VPS13A: variants seen among roughly 807,000 people sequenced by gnomAD.
VPS13A encodes vacuolar protein sorting 13 homolog A.
In VPS13A, 264 loss-of-function variants were observed where a neutral mutation model predicts 390.9. The ratio of observed to expected loss-of-function variants is 0.68; its 90% confidence interval spans 0.61 to 0.75. The LOEUF (loss-of-function observed/expected upper bound fraction) is 0.75, where lower values mean the gene tolerates loss of function less well. Among genes scored for constraint, VPS13A ranks in the 30% least tolerant of loss-of-function variants. The pLI is 0.00. For synonymous variants in VPS13A, 1,231 were observed against 1,227.1 expected (o/e 1.00, Z -0.07); for missense variants, 3,409 against 3,733.9 (o/e 0.91, Z 2.27).
At chr9:77,374,817 A>G (rs2131597389) in intron 67 of VPS13A, among the ~76,000 whole-genome samples, 1 of 152,262 alleles carries the variant, frequency 6.6e-6, no homozygotes, top group African/African-American at 2.4e-5. Flanking sequence ...AGATGATAAA[A>G]TTAATGTTAA....
At chr9:77,210,195 CTCTTTCTT>C (rs143259340) in intron 6 of VPS13A, among the ~76,000 whole-genome samples, 1,748 of 126,296 alleles carry the variant, frequency 0.014, 38 homozygotes, top group African/African-American at 0.04. Context: ...TTCTCTTTCT[CTCTTTCTT>C]TCTCTTCTCC....
intron 1 of VPS13A, among the ~76,000 whole-genome samples, chr9:77,189,446 T>C (rs12336504): frequency 0.21 from 31,929 of 151,956 alleles, 3,563 homozygotes; most frequent in Middle Eastern, 0.26. Context: ...TCTTGACCTG[T>C]TCCATTGGTC....
At position 77,293,350 on chromosome 9, in the gene VPS13A, A is replaced by G. The variant is rs1276304482; in HGVS notation, c.3349A>G (p.Ile1117Val). The G allele has an allele frequency of 6.2e-7, 1 of 1,612,048 alleles. No homozygotes were observed. Among genetic ancestry groups the G allele is most frequent in the East Asian group, 2.2e-5 (1 of 44,696 alleles). Reference protein sequence around the residue: ...ITAIYKKAVYITGKEVFSFKM... With the variant: ...ITAIYKKAVYVTGKEVFSFKM... ...ATTTTCTCTTATTAAGGCTGTTTAT[A>G]TCACTGGAAAAGAAGTTTTCAGCTT... The change falls in exon 32 of 72, where the codon ATC (isoleucine) becomes GTC (valine). Residue 1117 changes from isoleucine to valine, a missense_variant. Physicochemically the swap from Ile to Val is conservative, Grantham distance 29 (BLOSUM62 3). Coordinates refer to ENST00000360280, the MANE Select transcript of VPS13A (RefSeq NM_033305.3).
intron 1 of VPS13A, among the ~76,000 whole-genome samples, chr9:77,198,204 T>G (rs543021464): frequency 6.6e-6 from 1 of 152,098 alleles, no homozygotes; most frequent in African/African-American, 2.4e-5. Flanking sequence ...GGGCCCGGAA[T>G]TGGATCCTCA....
intron 1 of VPS13A, among the ~76,000 whole-genome samples, chr9:77,192,779 C>G (rs1824759194): frequency 6.6e-6 from 1 of 151,950 alleles, no homozygotes; most frequent in South Asian, 2.1e-4. Context: ...TTATTTTTTT[C>G]TTTCACATTG....
chr9:77,355,671 A>G (rs78026113), intron 54 of VPS13A, among the ~76,000 whole-genome samples: 4,355 of 152,214 alleles, frequency 0.029, 193 homozygotes, highest in African/African-American at 0.093. Flanking sequence ...CCTTCTACCA[A>G]AACTCCAGCT....
In VPS13A at chr9:77,275,405, C is replaced by G. The variant is rs562441219; in HGVS notation, c.2513-93C>G. ...TAATATTTGATATTTAAAAGAGAGCCTTAGTGTTTTAGTGTTCATATTTAT... is the reference window on the plus strand; with the variant it reads ...TAATATTTGATATTTAAAAGAGAGCGTTAGTGTTTTAGTGTTCATATTTAT... On this transcript the variant is annotated intron_variant, in intron 24 of 71. Transcript: ENST00000360280. The G allele has an allele frequency of 2.1e-5, 25 of 1,187,656 alleles. No homozygotes were observed. The African/African-American group carries it at 3.4e-4, about 16-fold the overall frequency. The allele number at this position is 1,187,656 out of a possible 1,614,324, so 73.6% of individuals were successfully genotyped here.
In VPS13A at chr9:77,332,010, A is replaced by T. The variant is rs747288143; in HGVS notation, c.5992A>T (p.Ile1998Leu). The T allele has an allele frequency of 3.1e-6, 5 of 1,600,840 alleles. No individual in the cohort carries two copies. The South Asian group carries it at 4.4e-5, about 14-fold the overall frequency. ...KKVTIRSPVQ[I>L]RNHFSVPLSV... ...AATATTATTTGTTTTTCTTTCCCAG[A>T]TAAGAAATCATTTTTCAGTCCCACT... The change falls in exon 46 of 72, where the codon ATA (isoleucine) becomes TTA (leucine). Residue 1998 changes from isoleucine (I) to leucine (L), a missense_variant and splice_region_variant. Physicochemically the swap from Ile to Leu is conservative, Grantham distance 5. Transcript: ENST00000360280.
chr9:77,409,430 T>C (rs1834796374), intron 71 of VPS13A, among the ~76,000 whole-genome samples: 1 of 151,994 alleles, frequency 6.6e-6, no homozygotes, highest in East Asian at 1.9e-4. Context: ...TCACCAGCAA[T>C]GGAACAAAGC....
At chr9:77,407,084 C>T (rs11145413) in intron 70 of VPS13A, among the ~76,000 whole-genome samples, 15,742 of 152,172 alleles carry the variant, frequency 0.1, 835 homozygotes, top group Middle Eastern at 0.13. Flanking sequence ...CATACATGCA[C>T]GCACACATGC....
intron 22 of VPS13A, among the ~76,000 whole-genome samples, chr9:77,252,954 T>C (rs1825227057): frequency 6.6e-6 from 1 of 152,242 alleles, no homozygotes; most frequent in Non-Finnish European, 1.5e-5. Flanking sequence ...TGTACAAATA[T>C]CTGCTTAAGT....
chr9:77,333,815 A>G (rs1319645321), intron 46 of VPS13A, among the ~76,000 whole-genome samples: 1 of 152,160 alleles, frequency 6.6e-6, no homozygotes, highest in Admixed American at 6.5e-5. Flanking sequence ...ATTTTATTAA[A>G]ATATTTAAGT....
chr9:77,405,026 G>C (rs1465432119), intron 69 of VPS13A, among the ~76,000 whole-genome samples: 1 of 151,714 alleles, frequency 6.6e-6, no homozygotes, highest in African/African-American at 2.4e-5. Flanking sequence ...CAAACCTCTG[G>C]TTGCACCTAC....
chr9:77,356,913 C>A, intron 55 of VPS13A, 46 bp downstream of exon 55: 1 of 1,604,170 alleles, frequency 6.2e-7, no homozygotes, highest in Non-Finnish European at 8.5e-7. Context: ...TTTTGCCTGT[C>A]GTAGTTTGGT....
intron 20 of VPS13A, 25 bp downstream of exon 20, chr9:77,247,420 A>G (rs1308054572): frequency 1.9e-6 from 3 of 1,579,520 alleles, no homozygotes; most frequent in Non-Finnish European, 2.6e-6. Flanking sequence ...TATTTGATTT[A>G]TGATACAGCA....
intron 22 of VPS13A, among the ~76,000 whole-genome samples, chr9:77,252,850 C>T (rs1564666596): frequency 6.6e-6 from 1 of 152,092 alleles, no homozygotes; most frequent in Non-Finnish European, 1.5e-5. Flanking sequence ...GATTAATATT[C>T]CTTATATGTT....
At chr9:77,296,344 G>A (rs1267513846) in intron 33 of VPS13A, among the ~76,000 whole-genome samples, 1 of 152,116 alleles carries the variant, frequency 6.6e-6, no homozygotes, top group Non-Finnish European at 1.5e-5. Context: ...CAAATAGTTC[G>A]AGAGCTTTTA....
chr9:77,356,772 G>A lies in VPS13A; in HGVS notation c.7711G>A (p.Val2571Ile), dbSNP rs766672785. ...GAAGGCAAGATGGAAGCCAATGAGTGTAAAGCACACTGAGAAGTTAGAGAG... is the reference window on the plus strand; with the variant it reads ...GAAGGCAAGATGGAAGCCAATGAGTATAAAGCACACTGAGAAGTTAGAGAG... ...KKKARWKPMS[V>I]KHTEKLEREF... is the part of the protein sequence containing the mutation. Residue 2571 changes from valine to isoleucine, a missense_variant, in exon 55 of 72, where the codon GTA (valine) becomes ATA (isoleucine). Transcript: ENST00000360280. The A allele has an allele frequency of 1.2e-5, 19 of 1,613,810 alleles. No homozygotes were observed. The highest frequency in any genetic ancestry group is 1.6e-5 in the Non-Finnish European group (19 of 1,179,864).
At chr9:77,207,252 T>TATATATATATATATATATATATAAAA in intron 5 of VPS13A, among the ~76,000 whole-genome samples, 1 of 87,274 alleles carries the variant, frequency 1.1e-5, no homozygotes, top group Non-Finnish European at 2.3e-5. Flanking sequence ...TATATATATA[T>TATATATATATATATATATATATAAAA]AAAACGTGTT....
Sources: gnomAD v4.1 joint callset for allele counts (sites outside exome capture counted in the v4.1 genomes callset) on GRCh38, gnomAD v4.1.1 for gene constraint, MANE v1.5 for transcripts, NCBI Gene and HGNC (gene_info 2026-07-23, HGNC 2026-07-21) for gene names.